CA4: variants seen among roughly 807,000 people sequenced by gnomAD.
CA4 encodes the protein carbonic anhydrase 4, also known as CA-IV.
In CA4, 24 loss-of-function variants were observed where a neutral mutation model predicts 34.5. The observed-to-expected ratio is 0.70, with a 90% CI of 0.50 to 0.98. CA4 has a LOEUF of 0.98. CA4 is among the 50% of genes least tolerant of loss of function. The pLI, the probability that CA4 is intolerant of heterozygous loss-of-function variation, is 0.00. For synonymous variants in CA4, 178 were observed against 170.6 expected (o/e 1.04, Z -0.34); for missense variants, 394 against 396.7 (o/e 0.99, Z 0.06).
At chr17:60,161,253 C>T (rs1414541918), downstream of CA4, among the ~76,000 whole-genome samples, 1 of 151,944 alleles carries the variant, frequency 6.6e-6, no homozygotes, top group Non-Finnish European at 1.5e-5. Flanking sequence ...TCCAGGACAC[C>T]AGAATGAGAA....
intron 5 of CA4, among the ~76,000 whole-genome samples, chr17:60,165,387 G>A (rs556963553): frequency 6.6e-6 from 1 of 152,238 alleles, no homozygotes; most frequent in African/African-American, 2.4e-5. Flanking sequence ...AGCATCAGAG[G>A]GAGAAAAGGG....
chr17:60,158,340 A>T lies in CA4; in HGVS notation c.638A>T (p.Lys213Ile). The T allele has an allele frequency of 2.5e-6, 4 of 1,614,160 alleles. No homozygotes were observed. The highest frequency in any genetic ancestry group is 2.5e-6 in the Non-Finnish European group (3 of 1,180,024). Residue 213 changes from lysine to isoleucine, a missense_variant, in exon 7 of 8, where the codon AAA becomes ATA. Coordinates refer to ENST00000300900, the MANE Select transcript of CA4 (RefSeq NM_000717.5). ...TTGGACCTGCTCCCCAAGGAGGAGA[A>T]ACTGAGGCACTACTTCCGCTACCTG... ...SLLDLLPKEEKLRHYFRYLGS... is the reference protein window; with the variant it reads ...SLLDLLPKEEILRHYFRYLGS...
chr17:60,166,867 G>C (rs2083860938), intron 5 of CA4, among the ~76,000 whole-genome samples: 1 of 152,228 alleles, frequency 6.6e-6, no homozygotes, highest in Non-Finnish European at 1.5e-5. Flanking sequence ...TGAGGCAGGA[G>C]AATTGCTTAA....
rs1270889262 is a variant in CA4 at position 60,158,143 on chromosome 17, G to A, written c.580+16G>A. The stretch of plus-strand genomic sequence containing the variant: ...CCCAAACCTGGTGAGTCAGGATGGG[G>A]GAGAAGGGCTTGGGGTGAGGGGGGG... On this transcript the variant is annotated intron_variant, in intron 6 of 7. Transcript: ENST00000300900. The A allele has an allele frequency of 1.2e-6, 2 of 1,613,732 alleles. No individual in the cohort carries two copies. Among genetic ancestry groups the A allele is most frequent in the African/African-American group, 1.3e-5 (1 of 75,038 alleles).
chr17:60,156,372 G>A (rs1427340648), intron 2 of CA4, among the ~76,000 whole-genome samples, 188 bp from the exon 3 acceptor site: 1 of 152,190 alleles, frequency 6.6e-6, no homozygotes, highest in Admixed American at 6.5e-5. Context: ...TGTGGAGGAG[G>A]AGGAGGAGGG....
In CA4 at chr17:60,155,323, G is replaced by T; in HGVS notation, c.68G>T (p.Trp23Leu). ...TTCCTCTCTGCTCCAGAGTCACACT[G>T]GTGCTACGAGGTTCAAGCCGAGTCC... The part of the protein sequence containing the change: ...ARPSASAESH[W>L]CYEVQAESSN... Residue 23 changes from tryptophan to leucine, a missense_variant, in exon 2 of 8, where the codon TGG becomes TTG. By Grantham distance (61) the Trp-to-Leu change is moderately conservative. Coordinates refer to ENST00000300900, the MANE Select transcript of CA4 (RefSeq NM_000717.5). 1 of 1,611,404 alleles carries T rather than the reference G, an allele frequency of 6.2e-7. No individual in the cohort carries two copies.
downstream of CA4, among the ~76,000 whole-genome samples, chr17:60,174,733 A>G (rs574688069): frequency 6.6e-6 from 1 of 152,318 alleles, no homozygotes; most frequent in African/African-American, 2.4e-5. Context: ...CCGTTGGTAC[A>G]TTATCAAGAG....
intron 5 of CA4, among the ~76,000 whole-genome samples, chr17:60,168,104 CTG>C (rs1305373904): frequency 2.0e-5 from 3 of 151,546 alleles, no homozygotes; most frequent in Non-Finnish European, 2.9e-5. Context: ...AGGAGGGACT[CTG>C]AGTTCAGTGT....
chr17:60,150,653 TTAAAAAAAAA>T (rs1248320831), intron 1 of CA4, among the ~76,000 whole-genome samples: 56 of 92,094 alleles, frequency 6.1e-4, no homozygotes, highest in African/African-American at 2.9e-3. Context: ...GGTGCTCCGT[TTAAAAAAAAA>T]AAAAAAAAAA....
chr17:60,169,977 T>G (rs1055198078), intron 5 of CA4, among the ~76,000 whole-genome samples: 1 of 152,116 alleles, frequency 6.6e-6, no homozygotes, highest in African/African-American at 2.4e-5. Context: ...AAAACCAGAG[T>G]TGGGCTCTTA....
Position 60,156,587 on chromosome 17 carries a change from A to G in CA4, c.140A>G (p.Gln47Arg), listed in dbSNP as rs758852414. Residue 47 changes from glutamine (Q) to arginine (R), a missense_variant, in exon 3 of 8, where the codon CAG (glutamine) becomes CGG (arginine). Physicochemically the swap from Gln to Arg is conservative, Grantham distance 43. Coordinates refer to ENST00000300900, the MANE Select transcript of CA4 (RefSeq NM_000717.5). ...CCAGTCAAGTGGGGTGGAAACTGCC[A>G]GAAGGACCGCCAGTCCCCCATCAAC... is the stretch of plus-strand genomic sequence containing the variant. ...LVPVKWGGNC[Q>R]KDRQSPINIV... 1 of 1,614,200 alleles carries G rather than the reference A, an allele frequency of 6.2e-7. No homozygotes were observed. Among genetic ancestry groups the G allele is most frequent in the African/African-American group, 1.3e-5 (1 of 75,068 alleles).
At chr17:60,164,114 A>C (rs1320845350), downstream of CA4, among the ~76,000 whole-genome samples, 1 of 151,344 alleles carries the variant, frequency 6.6e-6, no homozygotes, top group African/African-American at 2.4e-5. Flanking sequence ...GTCTCAAAAA[A>C]GGAAAAAAAA....
rs2145245421 is a variant in CA4, at chr17:60,150,033, AGATGCG to A, written c.5_10del (p.ArgMet2_?3). 5.0e-6 allele frequency: 8 copies of A among 1,602,674 alleles called. No homozygotes were observed. The highest frequency in any genetic ancestry group is 5.9e-6 in the Non-Finnish European group (7 of 1,179,024). On this transcript the variant is annotated start_lost and 5_prime_UTR_variant, in exon 1 of 8. Coordinates refer to ENST00000300900, the MANE Select transcript of CA4 (RefSeq NM_000717.5). ...TCAGAGGACTCTTTGCTGTCCCGCAAGATGCGGATGCTGCTGGCGCTCCTGGCCCTC... is the reference window on the plus strand; with the variant it reads ...TCAGAGGACTCTTTGCTGTCCCGCAAGATGCTGCTGGCGCTCCTGGCCCTC...
At chr17:60,176,338 T>C in the CA4 span, among the ~76,000 whole-genome samples, 2 of 151,954 alleles carry the variant, frequency 1.3e-5, no homozygotes, top group African/African-American at 4.8e-5. Context: ...CAAGCCTGAG[T>C]GTTCGGTATT....
intron 1 of CA4, among the ~76,000 whole-genome samples, chr17:60,150,654 TAAAAAAAAAAA>T (rs66850461): frequency 0.23 from 7,596 of 33,758 alleles, 808 homozygotes; most frequent in African/African-American, 0.27. Context: ...GTGCTCCGTT[TAAAAAAAAAAA>T]AAAAAAAAAA....
the CA4 span, among the ~76,000 whole-genome samples, chr17:60,176,909 T>C: frequency 6.6e-6 from 1 of 152,212 alleles, no homozygotes; most frequent in Non-Finnish European, 1.5e-5. Flanking sequence ...GGGTTCGTTC[T>C]CCTGTGAGAA....
intron 1 of CA4, among the ~76,000 whole-genome samples, chr17:60,154,810 A>G (rs2083649784): frequency 6.6e-6 from 1 of 152,210 alleles, no homozygotes; most frequent in Non-Finnish European, 1.5e-5. Context: ...TTAGTAACAC[A>G]GGGTGAGACA....
the CA4 span, among the ~76,000 whole-genome samples, chr17:60,177,829 G>T: frequency 5.7e-3 from 868 of 152,226 alleles, 5 homozygotes; most frequent in Middle Eastern, 0.017. Context: ...AGTTACATTG[G>T]TAATTACTAT....
chr17:60,150,954 C>A (rs1044686889), intron 1 of CA4, among the ~76,000 whole-genome samples: 8 of 152,296 alleles, frequency 5.3e-5, no homozygotes, highest in Non-Finnish European at 8.8e-5. Flanking sequence ...GGACCCGGAG[C>A]CCCAAGGCCT....
Sources: allele counts gnomAD v4.1 joint callset (sites outside exome capture counted in the v4.1 genomes callset), GRCh38; gene constraint gnomAD v4.1.1; transcripts MANE v1.5; gene names NCBI Gene and HGNC (gene_info 2026-07-23, HGNC 2026-07-21).